Variants in GPR149 observed in about 807,000 individuals in gnomAD.
GPR149 encodes the protein probable G protein-coupled receptor 149.
Under a neutral mutation model 50.2 loss-of-function variants are expected in GPR149, and 50 were observed. That is an observed-to-expected ratio of 1.00 (90% CI 0.79 to 1.26). The LOEUF (loss-of-function observed/expected upper bound fraction) is 1.26, where lower values mean the gene tolerates loss of function less well. Among genes scored for constraint, GPR149 ranks in the 50% most tolerant of loss-of-function variants. The pLI, the probability that GPR149 is intolerant of heterozygous loss-of-function variation, is 0.00. For missense variants in GPR149, 983 were observed against 895.4 expected, an observed-to-expected ratio of 1.10 and a Z score of -1.25; for synonymous variants, 405 against 358.2, an observed-to-expected ratio of 1.13 and a Z score of -1.48.
At chr3:154,426,351 G>T (rs78754333) in intron 2 of GPR149, among the ~76,000 whole-genome samples, 1 of 152,098 alleles carries the variant, frequency 6.6e-6, no homozygotes, top group Non-Finnish European at 1.5e-5. Flanking sequence ...CCAGTTCATG[G>T]CTAATTATAT....
chr3:154,353,752 A>C, intron 3 of GPR149: 1 of 813,372 alleles, frequency 1.2e-6, no homozygotes, highest in Non-Finnish European at 2.1e-6. Context: ...TCTTTCAATC[A>C]AGGGGATGGC....
In GPR149 at chr3:154,346,724, T is replaced by C. The variant is rs564919704; in HGVS notation, c.1624-8453A>G. Among the ~76,000 whole-genome samples, 33 of 152,038 alleles carry C rather than the reference T, an allele frequency of 2.2e-4. No individual in the cohort carries two copies. The South Asian group carries it at 6.0e-3, about 28-fold the overall frequency. The stretch of plus-strand genomic sequence containing the variant: ...GATTCTCATGCCTCAGCCTCCCGAG[T>C]AGCTAGTGTTACAGGTGTGCCCCAC... On this transcript the variant is annotated intron_variant, in intron 3 of 3. Coordinates refer to ENST00000389740, the MANE Select transcript of GPR149 (RefSeq NM_001038705.3).
rs1713630317 is a variant in GPR149 at position 154,335,377 on chromosome 3, A to G, written c.*2322T>C. 6.6e-6 allele frequency: 1 copy of G among 152,100 alleles called. No homozygotes were observed. The highest frequency in any genetic ancestry group is 2.4e-5 in the African/African-American group (1 of 41,436). The allele number at this position is 152,100 out of a possible 1,614,324, so 9.4% of individuals were successfully genotyped here. ...TAGTTTAACCTTCTCCTCCCTTAAC[A>G]AGGATTTGGAGCGTCATTCATGCTT... On this transcript the variant is annotated 3_prime_UTR_variant, in exon 4 of 4. Coordinates refer to ENST00000389740, the MANE Select transcript of GPR149 (RefSeq NM_001038705.3).
At chr3:154,354,693 C>T in intron 3 of GPR149, 1 of 450,694 alleles carries the variant, frequency 2.2e-6, no homozygotes, top group Non-Finnish European at 3.7e-6. Context: ...GAGTATAGTA[C>T]AAATTAGGTT....
At chr3:154,373,241 G>C (rs1285771479) in intron 3 of GPR149, among the ~76,000 whole-genome samples, 1 of 152,138 alleles carries the variant, frequency 6.6e-6, no homozygotes, top group Admixed American at 6.6e-5. Context: ...GGAAGTCAAG[G>C]ATGGAGTAGA....
chr3:154,360,891 C>G (rs1714363205), intron 3 of GPR149, among the ~76,000 whole-genome samples: 1 of 152,064 alleles, frequency 6.6e-6, no homozygotes, highest in Admixed American at 6.6e-5. Context: ...AGTAATTATT[C>G]TTAAGACAAA....
At chr3:154,377,213 G>C (rs893025754) in intron 3 of GPR149, among the ~76,000 whole-genome samples, 1 of 151,394 alleles carries the variant, frequency 6.6e-6, no homozygotes, top group East Asian at 1.9e-4. Flanking sequence ...ATTTGATAGT[G>C]TGGCCTTTCA....
chr3:154,407,101 C>G (rs207463908), intron 3 of GPR149, among the ~76,000 whole-genome samples: 20 of 152,076 alleles, frequency 1.3e-4, no homozygotes, highest in Non-Finnish European at 2.6e-4. Flanking sequence ...CCTCATGATT[C>G]AAGGATCTCC....
chr3:154,339,692 A>G (rs953855878), intron 3 of GPR149, among the ~76,000 whole-genome samples: 3 of 151,584 alleles, frequency 2.0e-5, no homozygotes, highest in African/African-American at 7.3e-5. Context: ...ACAGGTTCTC[A>G]CTATTGGAGA....
At chr3:154,362,643 T>C (rs1714439494) in intron 3 of GPR149, among the ~76,000 whole-genome samples, 1 of 152,168 alleles carries the variant, frequency 6.6e-6, no homozygotes, top group Non-Finnish European at 1.5e-5. Context: ...CAGGTTGCAA[T>C]CAGAATGCAT....
intron 2 of GPR149, among the ~76,000 whole-genome samples, chr3:154,421,795 T>C (rs1243572668): frequency 6.6e-6 from 1 of 151,910 alleles, no homozygotes; most frequent in African/African-American, 2.4e-5. Flanking sequence ...AATTCTCAAA[T>C]ACATTGTTTT....
At chr3:154,361,524 T>C (rs1274505776) in intron 3 of GPR149, among the ~76,000 whole-genome samples, 1 of 152,246 alleles carries the variant, frequency 6.6e-6, no homozygotes. Flanking sequence ...ATTCATTATT[T>C]ATATAGTGGA....
rs1559991131 is a variant in GPR149, at chr3:154,421,193, TC to T, written c.1468del (p.Asp490MetfsTer86). The T allele has an allele frequency of 6.2e-7, 1 of 1,613,546 alleles. No individual in the cohort carries two copies. Among genetic ancestry groups the T allele is most frequent in the Non-Finnish European group, 8.5e-7 (1 of 1,179,612 alleles). On this transcript the variant is annotated frameshift_variant, in exon 3 of 4. Coordinates refer to ENST00000389740, the MANE Select transcript of GPR149 (RefSeq NM_001038705.3). LOFTEE classifies it high-confidence loss of function. ...ACCTCCTGTTTTGTCAGAAAACGCA[TC>T]CTTTTTGTTGTTGGAATCCTGTTTA... Reference protein sequence around the residue: ...EAKQDSNNKKDAFSDKTGGDI... With the variant: ...EAKQDSNNKKXAFSDKTGGDI...
rs1181748581 is a variant in GPR149 at position 154,348,690 on chromosome 3, T to C, written c.1624-10419A>G. Among the ~76,000 whole-genome samples, 5 of 152,196 alleles carry C rather than the reference T, an allele frequency of 3.3e-5. 1 individual carries two copies. The South Asian group carries it at 1.0e-3, about 32-fold the overall frequency. On this transcript the variant is annotated intron_variant, in intron 3 of 3. Transcript: ENST00000389740. ...TCAACCCCTCTCTCGCAACAATCCA[T>C]AGGATAACTAGAAAGAAAATCAACA... is the stretch of plus-strand genomic sequence containing the variant.
intron 3 of GPR149, among the ~76,000 whole-genome samples, chr3:154,343,356 T>G (rs1217223999): frequency 6.6e-6 from 1 of 152,168 alleles, no homozygotes; most frequent in African/African-American, 2.4e-5. Context: ...TCTAAATTAT[T>G]TTCTTATTAT....
chr3:154,427,584 T>C lies in GPR149; in HGVS notation c.1106A>G (p.His369Arg). The change falls in exon 2 of 4, where the codon CAC becomes CGC. Residue 369 changes from histidine (H) to arginine (R), a missense_variant. Physicochemically the swap from His to Arg is conservative, Grantham distance 29. Coordinates refer to ENST00000389740, the MANE Select transcript of GPR149 (RefSeq NM_001038705.3). ...PVFVLSKRWT[H>R]LPCGCIINCR... ...GTTGATGATGCAGCCACAGGGCAAG[T>C]GGGTCCAGCGTTTGGACAAGACAAA... The C allele has an allele frequency of 3.1e-6, 5 of 1,614,024 alleles. No homozygotes were observed. The highest frequency in any genetic ancestry group is 4.2e-6 in the Non-Finnish European group (5 of 1,179,992).
intron 3 of GPR149, among the ~76,000 whole-genome samples, chr3:154,403,988 T>C (rs1013765365): frequency 6.6e-6 from 1 of 152,202 alleles, no homozygotes; most frequent in Non-Finnish European, 1.5e-5. Flanking sequence ...TATTTAGATG[T>C]AAACAACCAC....
intron 3 of GPR149, chr3:154,353,563 T>A: frequency 9.9e-7 from 1 of 1,014,052 alleles, no homozygotes; most frequent in Non-Finnish European, 1.6e-6. Context: ...TCAATACCAT[T>A]TTGCATATGA....
intron 3 of GPR149, among the ~76,000 whole-genome samples, chr3:154,375,368 T>C (rs911628556): frequency 3.3e-5 from 5 of 152,202 alleles, no homozygotes; most frequent in Non-Finnish European, 7.4e-5. Context: ...ACCATCATCA[T>C]AGCCTATCAC....
Sources: allele counts gnomAD v4.1 joint callset (sites outside exome capture counted in the v4.1 genomes callset), GRCh38; gene constraint gnomAD v4.1.1; transcripts MANE v1.5; gene names NCBI Gene and HGNC (gene_info 2026-07-23, HGNC 2026-07-21).